The following SLC24A2 variants were observed in gnomAD, a reference collection of about 807,000 sequenced individuals.
SLC24A2 encodes the protein solute carrier family 24 member 2, also known as sodium/potassium/calcium exchanger 2.
Under a neutral mutation model 62.0 loss-of-function variants are expected in SLC24A2, and 36 were observed. That is an observed-to-expected ratio of 0.58 (90% confidence interval 0.44 to 0.77). The LOEUF is 0.77. SLC24A2 is among the 30% of genes least tolerant of loss of function. The pLI is 0.00. For missense variants in SLC24A2, 846 were observed against 817.9 expected (o/e 1.03, Z -0.42); for synonymous variants, 358 against 294.0 (o/e 1.22, Z -2.23).
chr9:20,142,002 GA>G, the SLC24A2 span, among the ~76,000 whole-genome samples: 1 of 152,122 alleles, frequency 6.6e-6, no homozygotes, highest in Non-Finnish European at 1.5e-5. Context: ...AGAACTATTG[GA>G]ACCTGGGAGG....
At chr9:20,103,918 TCAAAC>T in the SLC24A2 span, among the ~76,000 whole-genome samples, 1 of 152,026 alleles carries the variant, frequency 6.6e-6, no homozygotes, top group African/African-American at 2.4e-5. Context: ...AGGAGGAAAT[TCAAAC>T]CAAAGGCAAA....
At chr9:19,677,724 T>C (rs941753446) in intron 2 of SLC24A2, among the ~76,000 whole-genome samples, 2 of 151,626 alleles carry the variant, frequency 1.3e-5, no homozygotes, top group African/African-American at 2.4e-5. Flanking sequence ...CTAAATATTG[T>C]ATACAATATA....
chr9:20,152,147 G>C, the SLC24A2 span, among the ~76,000 whole-genome samples: 1 of 151,786 alleles, frequency 6.6e-6, no homozygotes, highest in Non-Finnish European at 1.5e-5. Context: ...AAATACACCA[G>C]CCTAGTGTTT....
chr9:19,651,951 C>T (rs1477885985), intron 2 of SLC24A2, among the ~76,000 whole-genome samples: 1 of 152,172 alleles, frequency 6.6e-6, no homozygotes, highest in African/African-American at 2.4e-5. Context: ...AATCTTGGTT[C>T]TTCTCTTCCA....
At chr9:19,526,528 T>C (rs1484801468) in intron 9 of SLC24A2, among the ~76,000 whole-genome samples, 1 of 152,234 alleles carries the variant, frequency 6.6e-6, no homozygotes, top group Non-Finnish European at 1.5e-5. Flanking sequence ...TTCTGTCTTT[T>C]TGATTATACC....
chr9:19,921,501 CAG>C, the SLC24A2 span, among the ~76,000 whole-genome samples: 1 of 124,464 alleles, frequency 8.0e-6, no homozygotes, highest in Admixed American at 1.0e-4. Flanking sequence ...GCCTGGGCGA[CAG>C]AGCGAGACTC....
rs149152959 is a variant in SLC24A2, at chr9:19,629,370, T to A, written c.931-7071A>T. 2.8e-4 allele frequency among the ~76,000 whole-genome samples: 42 copies of A among 152,332 alleles called. No individual in the cohort carries two copies. The East Asian group carries it at 8.1e-3, about 29-fold the overall frequency. ...ACTTCCAATGGAGGTGAGAAAATAG[T>A]GGCAAGTGATTGTTGTGAATTTAGA... On this transcript the variant is annotated intron_variant, in intron 2 of 10. Transcript: ENST00000341998.
the SLC24A2 span, among the ~76,000 whole-genome samples, chr9:20,043,550 TG>T: frequency 1.3e-5 from 2 of 152,288 alleles, no homozygotes; most frequent in Admixed American, 1.3e-4. Context: ...TCAACATTAA[TG>T]GGAGTTTGGA....
chr9:20,108,187 T>G, the SLC24A2 span, among the ~76,000 whole-genome samples: 121 of 152,066 alleles, frequency 8.0e-4, 2 homozygotes, highest in South Asian at 0.011. Context: ...TCATTAAAAT[T>G]TCAGGAAACA....
Position 19,644,722 on chromosome 9 carries a change from A to T in SLC24A2, c.931-22423T>A, listed in dbSNP as rs112189942. ...TGTAAGCAATATGCTTGAAACAACAAGTTCATGTTTTTTTTTAAAAACATG... is the reference window on the plus strand; with the variant it reads ...TGTAAGCAATATGCTTGAAACAACATGTTCATGTTTTTTTTTAAAAACATG... On this transcript the variant is annotated intron_variant, in intron 2 of 10. Transcript: ENST00000341998. Among the ~76,000 whole-genome samples the T allele has an allele frequency of 7.0e-3, 1,049 of 150,268 alleles. 16 individuals are homozygous for T. The highest frequency in any genetic ancestry group is 0.025 in the African/African-American group (1,004 of 39,788).
the SLC24A2 span, among the ~76,000 whole-genome samples, chr9:19,833,989 A>T: frequency 1.3e-5 from 2 of 152,180 alleles, no homozygotes; most frequent in Admixed American, 1.3e-4. Flanking sequence ...CTGCCAGTAA[A>T]CTCCAACAGA....
At chr9:19,554,350 T>A (rs1249613154) in intron 7 of SLC24A2, among the ~76,000 whole-genome samples, 4 of 152,242 alleles carry the variant, frequency 2.6e-5, no homozygotes, top group Non-Finnish European at 4.4e-5. Flanking sequence ...ACATAGCATT[T>A]ACATTGCATT....
the SLC24A2 span, among the ~76,000 whole-genome samples, chr9:20,097,544 C>G: frequency 1.3e-5 from 2 of 151,950 alleles, no homozygotes; most frequent in South Asian, 2.1e-4. Context: ...TCTCTAAGTT[C>G]TTATAACTCT....
At chr9:19,806,271 C>T in the SLC24A2 span, among the ~76,000 whole-genome samples, 1 of 152,088 alleles carries the variant, frequency 6.6e-6, no homozygotes, top group Non-Finnish European at 1.5e-5. Flanking sequence ...AGCTTCTAGC[C>T]ATTAACTAAA....
chr9:19,725,493 T>A (rs1036532958), intron 2 of SLC24A2, among the ~76,000 whole-genome samples: 5 of 152,188 alleles, frequency 3.3e-5, no homozygotes, highest in African/African-American at 1.2e-4. Flanking sequence ...AATGTTTTGA[T>A]AAAAACTTTC....
the SLC24A2 span, among the ~76,000 whole-genome samples, chr9:19,801,406 G>A: frequency 0.68 from 104,016 of 152,140 alleles, 40,474 homozygotes; most frequent in Non-Finnish European, 0.87. Context: ...GGAAGTCAGC[G>A]GCGGGTCTGC....
the SLC24A2 span, among the ~76,000 whole-genome samples, chr9:20,138,917 T>C: frequency 6.6e-6 from 1 of 152,198 alleles, no homozygotes; most frequent in Non-Finnish European, 1.5e-5. Flanking sequence ...TCTCTGCCTT[T>C]CTATTTTCCT....
intron 2 of SLC24A2, among the ~76,000 whole-genome samples, chr9:19,673,210 G>T (rs1051941890): frequency 6.8e-6 from 1 of 146,116 alleles, no homozygotes; most frequent in African/African-American, 2.7e-5. Context: ...TTATAAATTT[G>T]GGAACTTCAG....
the SLC24A2 span, among the ~76,000 whole-genome samples, chr9:20,302,453 G>A: frequency 2.0e-5 from 3 of 152,144 alleles, no homozygotes; most frequent in Non-Finnish European, 2.9e-5. Context: ...GTATCTCATT[G>A]TTTTGATTTG....
Sources: gnomAD v4.1 joint callset for allele counts (sites outside exome capture counted in the v4.1 genomes callset) on GRCh38, gnomAD v4.1.1 for gene constraint, MANE v1.5 for transcripts, NCBI Gene and HGNC (gene_info 2026-07-23, HGNC 2026-07-21) for gene names.